FOXN3: variants seen among roughly 807,000 people sequenced by gnomAD.
FOXN3 encodes the protein forkhead box protein N3.
Under a neutral mutation model 38.4 loss-of-function variants are expected in FOXN3, and 7 were observed. The observed-to-expected ratio is 0.18, with a 90% confidence interval of 0.10 to 0.34. The LOEUF is 0.34. FOXN3 is among the 10% of genes least tolerant of loss of function. The pLI, the probability that FOXN3 is intolerant of heterozygous loss-of-function variation, is 1.00. For synonymous variants in FOXN3, 230 were observed against 242.2 expected (o/e 0.95, Z 0.47); for missense variants, 456 against 613.4 (o/e 0.74, Z 2.71).
intron 1 of FOXN3, among the ~76,000 whole-genome samples, chr14:89,557,833 C>T (rs963131688): frequency 1.1e-4 from 17 of 152,074 alleles, no homozygotes; most frequent in Non-Finnish European, 2.2e-4. Context: ...TGGCAAAACC[C>T]CATCTCTAGT....
chr14:89,297,464 G>A (rs1160914914), intron 3 of FOXN3, among the ~76,000 whole-genome samples: 5 of 151,622 alleles, frequency 3.3e-5, no homozygotes, highest in African/African-American at 1.2e-4. Flanking sequence ...GGAGGCTGAG[G>A]CGAGAGAATG....
At chr14:89,517,228 T>C (rs1894224232) in intron 1 of FOXN3, among the ~76,000 whole-genome samples, 1 of 151,970 alleles carries the variant, frequency 6.6e-6, no homozygotes, top group Non-Finnish European at 1.5e-5. Context: ...CTGGGCATGG[T>C]GGCACACGCC....
At chr14:89,413,753 G>GGAAGAAGGGAAAGAAGAAGGGAAA (rs139850269) in intron 1 of FOXN3, among the ~76,000 whole-genome samples, 1 of 133,020 alleles carries the variant, frequency 7.5e-6, no homozygotes, top group African/African-American at 2.9e-5. Flanking sequence ...GGGAAGGGAA[G>GGAAGAAGGGAAAGAAGAAGGGAAA]GAAGAAGGGA....
intron 4 of FOXN3, among the ~76,000 whole-genome samples, chr14:89,193,538 C>CA (rs1888020199): frequency 6.6e-6 from 1 of 152,138 alleles, no homozygotes; most frequent in Admixed American, 6.5e-5. Context: ...CCCACCCCCC[C>CA]ACCTTCTGTT....
intron 4 of FOXN3, among the ~76,000 whole-genome samples, chr14:89,274,673 T>C (rs910261070): frequency 1.3e-5 from 2 of 152,218 alleles, no homozygotes; most frequent in African/African-American, 4.8e-5. Flanking sequence ...TTCACAAAGC[T>C]ATATGTGCAC....
At chr14:89,409,114 G>A (rs1459919334) in intron 2 of FOXN3, among the ~76,000 whole-genome samples, 1 of 152,200 alleles carries the variant, frequency 6.6e-6, no homozygotes, top group Non-Finnish European at 1.5e-5. Flanking sequence ...CTCTTGCTTT[G>A]TTCTCACAGA....
intron 2 of FOXN3, among the ~76,000 whole-genome samples, chr14:89,396,064 T>C (rs1172139738): frequency 6.6e-6 from 1 of 152,190 alleles, no homozygotes; most frequent in Non-Finnish European, 1.5e-5. Flanking sequence ...CAAAATAGTG[T>C]CCAGAGACTC....
At chr14:89,347,187 C>A (rs945217900) in intron 3 of FOXN3, among the ~76,000 whole-genome samples, 2 of 152,088 alleles carry the variant, frequency 1.3e-5, no homozygotes, top group African/African-American at 2.4e-5. Context: ...GGGAACAGGG[C>A]CATTGAAAAT....
chr14:89,215,192 G>C (rs557578540), intron 4 of FOXN3, among the ~76,000 whole-genome samples: 305 of 57,164 alleles, frequency 5.3e-3, no homozygotes, highest in African/African-American at 0.021. Flanking sequence ...TTTGGGGAAG[G>C]AACCCAATTT....
At chr14:89,196,393 A>T (rs1419874218) in intron 4 of FOXN3, among the ~76,000 whole-genome samples, 1 of 152,174 alleles carries the variant, frequency 6.6e-6, no homozygotes, top group Admixed American at 6.5e-5. Flanking sequence ...CTTGGGTTTA[A>T]GTCCTGGGTC....
At chr14:89,497,237 G>A (rs902745593) in intron 1 of FOXN3, among the ~76,000 whole-genome samples, 1 of 152,048 alleles carries the variant, frequency 6.6e-6, no homozygotes, top group Admixed American at 6.6e-5. Flanking sequence ...TTACAGGCGT[G>A]AGCCACCATG....
intron 4 of FOXN3, among the ~76,000 whole-genome samples, chr14:89,249,498 C>G (rs977155485): frequency 6.6e-6 from 1 of 152,204 alleles, no homozygotes; most frequent in African/African-American, 2.4e-5. Context: ...CCTTCCAGCA[C>G]GGATCTCTCC....
chr14:89,416,122 AGCACGCGCGCGCGC>A (rs1891711017), intron 1 of FOXN3, among the ~76,000 whole-genome samples: 2 of 152,146 alleles, frequency 1.3e-5, no homozygotes, highest in Non-Finnish European at 2.9e-5. Context: ...CCGCCCACCC[AGCACGCGCGCGCGC>A]GCACGCACGC....
intron 1 of FOXN3, among the ~76,000 whole-genome samples, chr14:89,559,735 A>AG (rs750583943): frequency 3.7e-4 from 57 of 152,312 alleles, no homozygotes; most frequent in Non-Finnish European, 6.0e-4. Flanking sequence ...GTTTGTAAAA[A>AG]CAGTATGCAG....
At chr14:89,203,584 T>C (rs965812006) in intron 4 of FOXN3, among the ~76,000 whole-genome samples, 1 of 151,964 alleles carries the variant, frequency 6.6e-6, no homozygotes, top group Non-Finnish European at 1.5e-5. Context: ...CCCACTGGAG[T>C]CATGCGCTGA....
chr14:89,524,342 T>A (rs1398005847), intron 1 of FOXN3, among the ~76,000 whole-genome samples: 2 of 104,504 alleles, frequency 1.9e-5, no homozygotes, highest in African/African-American at 7.3e-5. Context: ...ACCACTGCAC[T>A]CCAGCCTGGC....
At chr14:89,360,837 ACCT>A (rs1889523588) in intron 2 of FOXN3, among the ~76,000 whole-genome samples, 1 of 90,816 alleles carries the variant, frequency 1.1e-5, no homozygotes, top group Non-Finnish European at 2.0e-5. Context: ...CACCACTACC[ACCT>A]CCAGCACCAC....
intron 1 of FOXN3, among the ~76,000 whole-genome samples, chr14:89,478,683 G>T (rs1893260168): frequency 6.6e-6 from 1 of 151,914 alleles, no homozygotes; most frequent in Non-Finnish European, 1.5e-5. Flanking sequence ...TATAATCCCA[G>T]CACTTTTGGA....
At chr14:89,201,822 T>C (rs1888243600) in intron 4 of FOXN3, among the ~76,000 whole-genome samples, 1 of 152,208 alleles carries the variant, frequency 6.6e-6, no homozygotes, top group Non-Finnish European at 1.5e-5. Flanking sequence ...AGCCACTTCC[T>C]CCTCTAGTAA....
Sources: gnomAD v4.1 joint callset for allele counts (sites outside exome capture counted in the v4.1 genomes callset) on GRCh38, gnomAD v4.1.1 for gene constraint, MANE v1.5 for transcripts, NCBI Gene and HGNC (gene_info 2026-07-23, HGNC 2026-07-21) for gene names.